Variants in LMO3 observed in about 807,000 individuals in gnomAD.
LMO3 encodes the protein LIM domain only protein 3.
LMO3 carries 2 observed loss-of-function variants against 15.8 expected under a neutral mutation model. The ratio of observed to expected loss-of-function variants is 0.13; its 90% CI spans 0.05 to 0.40. LMO3 has a LOEUF of 0.40. LMO3 is among the 10% of genes least tolerant of loss of function. LMO3 has a pLI of 0.99. For synonymous variants in LMO3, 62 were observed against 63.8 expected (o/e 0.97, Z 0.13); for missense variants, 86 against 182.2 (o/e 0.47, Z 3.04).
chr12:16,600,699 C>T lies in LMO3; in HGVS notation c.162G>A (p.Leu54=). ...DCRLGEVGST[L]YTKANLILCR... Reference sequence around the variant, plus strand: ...AAAGGATAAGATTAGCTTTAGTGTACAGGGTGGAGCCCACCTCTCCCAAGC... The same window carrying T: ...AAAGGATAAGATTAGCTTTAGTGTATAGGGTGGAGCCCACCTCTCCCAAGC... Residue 54 remains leucine (L), a synonymous_variant, in exon 2 of 4, where the codon CTG becomes CTA. Coordinates refer to ENST00000537304, the MANE Select transcript of LMO3 (RefSeq NM_018640.5). 6.2e-7 allele frequency: 1 copy of T among 1,614,116 alleles called. No homozygotes were observed. The highest frequency in any genetic ancestry group is 8.5e-7 in the Non-Finnish European group (1 of 1,179,984).
intron 3 of LMO3, among the ~76,000 whole-genome samples, chr12:16,557,150 T>G (rs888212984): frequency 6.6e-6 from 1 of 152,196 alleles, no homozygotes; most frequent in Non-Finnish European, 1.5e-5. Context: ...CTTTGCATCA[T>G]AATAGAATTT....
rs1289846499 is a variant in LMO3, at chr12:16,604,509, C to G, written c.-9+1557G>C. ...GCAAAGTGCTAGTGCTTGGCAAAGGCCAACAAGAGATTTGCAAGACTGAGT... is the reference window on the plus strand; with the variant it reads ...GCAAAGTGCTAGTGCTTGGCAAAGGGCAACAAGAGATTTGCAAGACTGAGT... On this transcript the variant is annotated intron_variant, in intron 1 of 3. Coordinates refer to ENST00000537304, the MANE Select transcript of LMO3 (RefSeq NM_018640.5). The surrounding 1 kb of genome is among the most constrained non-coding windows in gnomAD (Gnocchi z 5.3). The G allele has an allele frequency of 4.1e-6, 1 of 245,062 alleles. No homozygotes were observed. The highest frequency in any genetic ancestry group is 2.2e-5 in the African/African-American group (1 of 44,830). The allele number at this position is 245,062 out of a possible 1,614,324, so 15.2% of individuals were successfully genotyped here.
In LMO3 at chr12:16,555,750, A is replaced by G. The variant is rs1942167657; in HGVS notation, c.333-4423T>C. Among the ~76,000 whole-genome samples the G allele has an allele frequency of 6.6e-6, 1 of 152,112 alleles. No individual in the cohort carries two copies. Among genetic ancestry groups the G allele is most frequent in the African/African-American group, 2.4e-5 (1 of 41,430 alleles). On this transcript the variant is annotated intron_variant, in intron 3 of 3. Transcript: ENST00000537304. This position sits in a 1 kb window ranked among gnomAD's most constrained non-coding sequence, Gnocchi z 5.5. Reference sequence around the variant, plus strand: ...CGCTTTTCATTTCCTAAACACGTCAAATGCTTTCACATCTGCATGCCTTTG... The same window carrying G: ...CGCTTTTCATTTCCTAAACACGTCAGATGCTTTCACATCTGCATGCCTTTG...
In LMO3 at chr12:16,591,166, A is replaced by G. The variant is rs1264159122; in HGVS notation, c.206+9489T>C. Among the ~76,000 whole-genome samples, 2 of 151,844 alleles carry G rather than the reference A, an allele frequency of 1.3e-5. No individual in the cohort carries two copies. Among genetic ancestry groups the G allele is most frequent in the African/African-American group, 2.4e-5 (1 of 41,348 alleles). Reference sequence around the variant, plus strand: ...GGTACCATAGACCTACACAGTGACTACCCCTTATTCTTGCCCCTCCTGCTC... The same window carrying G: ...GGTACCATAGACCTACACAGTGACTGCCCCTTATTCTTGCCCCTCCTGCTC... On this transcript the variant is annotated intron_variant, in intron 2 of 3. Transcript: ENST00000537304. This position sits in a 1 kb window ranked among gnomAD's most constrained non-coding sequence, Gnocchi z 4.1.
At chr12:16,564,968 T>C (rs138971613) in intron 2 of LMO3, among the ~76,000 whole-genome samples, 1 of 151,862 alleles carries the variant, frequency 6.6e-6, no homozygotes, top group African/African-American at 2.4e-5. Context: ...AAAAAAAAAA[T>C]TTGTAGAGAT....
At chr12:16,552,811 T>C (rs1456328375) in intron 3 of LMO3, among the ~76,000 whole-genome samples, 1 of 152,086 alleles carries the variant, frequency 6.6e-6, no homozygotes, top group East Asian at 1.9e-4. Context: ...TTCTTTGTAT[T>C]AGTTGTAACC....
rs193151281 is a variant in LMO3 at position 16,595,637 on chromosome 12, G to T, written c.206+5018C>A. 1.6e-3 allele frequency among the ~76,000 whole-genome samples: 242 copies of T among 151,458 alleles called. 1 individual carries two copies. The highest frequency in any genetic ancestry group is 2.9e-3 in the South Asian group (14 of 4,822). On this transcript the variant is annotated intron_variant, in intron 2 of 3. Coordinates refer to ENST00000537304, the MANE Select transcript of LMO3 (RefSeq NM_018640.5). Reference sequence around the variant, plus strand: ...TAAAATTGTAACTTTTTATAAAGCTGCAAATAAGATAATTTTTAAGGAATA... The same window carrying T: ...TAAAATTGTAACTTTTTATAAAGCTTCAAATAAGATAATTTTTAAGGAATA...
chr12:16,578,818 AAACAAC>A (rs201327858), intron 2 of LMO3, among the ~76,000 whole-genome samples: 1,570 of 141,124 alleles, frequency 0.011, 14 homozygotes, highest in Non-Finnish European at 0.015. Context: ...ATTCTGTCTC[AAACAAC>A]AACAACAACA....
At chr12:16,605,652 T>G (rs890124455) in intron 1 of LMO3, 1 of 1,043,102 alleles carries the variant, frequency 9.6e-7, no homozygotes, top group African/African-American at 1.6e-5. Flanking sequence ...TCCTATGGGC[T>G]GGGAGCAAAC....
rs1943368296 is a variant in LMO3 at position 16,587,815 on chromosome 12, A to T, written c.206+12840T>A. On this transcript the variant is annotated intron_variant, in intron 2 of 3. Transcript: ENST00000537304. This position sits in a 1 kb window ranked among gnomAD's most constrained non-coding sequence, Gnocchi z 4.3. ...CACTGTGTCCTGAATGGGGGGTTTC[A>T]GGGGGAGGGAGAGGAACCTTGTCTC... 6.6e-6 allele frequency among the ~76,000 whole-genome samples: 1 copy of T among 151,994 alleles called. No homozygotes were observed. The highest frequency in any genetic ancestry group is 2.4e-5 in the African/African-American group (1 of 41,426).
chr12:16,605,021 G>A (rs1943941949), intron 1 of LMO3: 1 of 1,566,048 alleles, frequency 6.4e-7, no homozygotes, highest in South Asian at 1.2e-5. Context: ...GCCGAGGACC[G>A]ACTATTGTGA....
chr12:16,587,850 C>T lies in LMO3; in HGVS notation c.206+12805G>A, dbSNP rs1943369559. On this transcript the variant is annotated intron_variant, in intron 2 of 3. Transcript: ENST00000537304. The surrounding 1 kb of genome is among the most constrained non-coding windows in gnomAD (Gnocchi z 4.3). ...AGAGGAACCTTGTCTCATATTAATG[C>T]TGCCAGTAGCTATGGTATAGTGTTA... 6.6e-6 allele frequency among the ~76,000 whole-genome samples: 1 copy of T among 152,026 alleles called. No homozygotes were observed. Among genetic ancestry groups the T allele is most frequent in the Admixed American group, 6.6e-5 (1 of 15,248 alleles).
At chr12:16,590,950 AC>A (rs1387803740) in intron 2 of LMO3, among the ~76,000 whole-genome samples, 1 of 152,100 alleles carries the variant, frequency 6.6e-6, no homozygotes, top group African/African-American at 2.4e-5. Context: ...ATCCAAAAAA[AC>A]TTCCAGTAAA....
rs1281084637 is a variant in LMO3 at position 16,551,040 on chromosome 12, A to C, written c.*182T>G. 2 of 520,070 alleles carry C rather than the reference A, an allele frequency of 3.8e-6. No homozygotes were observed. The highest frequency in any genetic ancestry group is 6.9e-6 in the Non-Finnish European group (2 of 289,484). 32.2% of individuals were successfully genotyped at this position (520,070 alleles called of 1,614,324 possible). A position where few individuals can be genotyped will look rare whatever the true frequency, so the allele number is the denominator to read the frequency against. On this transcript the variant is annotated 3_prime_UTR_variant, in exon 4 of 4. Coordinates refer to ENST00000537304, the MANE Select transcript of LMO3 (RefSeq NM_018640.5). ...TTTTTTCTTTAATAATAAACATTCA[A>C]CTCTGAACTGGGGCAATTTCACTAC... is the stretch of plus-strand genomic sequence containing the variant.
rs1943328728 is a variant in LMO3, at chr12:16,586,596, GAC to G, written c.206+14057_206+14058del. On this transcript the variant is annotated intron_variant, in intron 2 of 3. Transcript: ENST00000537304. The surrounding 1 kb of genome is among the most constrained non-coding windows in gnomAD (Gnocchi z 4.3). ...GCAAAGACACTGCATTTCATCTTTGGACGTCCTTTCTTGGCAGGACCACTTGT... is the reference window on the plus strand; with the variant it reads ...GCAAAGACACTGCATTTCATCTTTGGGTCCTTTCTTGGCAGGACCACTTGT... 6.6e-6 allele frequency among the ~76,000 whole-genome samples: 1 copy of G among 152,172 alleles called. No homozygotes were observed. Among genetic ancestry groups the G allele is most frequent in the Non-Finnish European group, 1.5e-5 (1 of 68,026 alleles).
intron 1 of LMO3, chr12:16,605,467 A>G: frequency 2.1e-6 from 1 of 482,220 alleles, no homozygotes. Context: ...GCCCAAACAC[A>G]GCCACTTTTC....
intron 1 of LMO3, chr12:16,605,613 C>T (rs1414862054): frequency 2.7e-6 from 2 of 744,414 alleles, no homozygotes; most frequent in Non-Finnish European, 4.2e-6. Context: ...GGGGAGGGGT[C>T]CGGAAACCCA....
At chr12:16,572,263 A>G (rs117459834) in intron 2 of LMO3, among the ~76,000 whole-genome samples, 1 of 151,350 alleles carries the variant, frequency 6.6e-6, no homozygotes, top group East Asian at 1.9e-4. Flanking sequence ...TAAAACCTGT[A>G]GATTACATAT....
At chr12:16,605,335 TA>T in intron 1 of LMO3, 1 of 1,152,420 alleles carries the variant, frequency 8.7e-7, no homozygotes, top group Non-Finnish European at 1.1e-6. Flanking sequence ...GTAGTCCCCG[TA>T]AAAAATGTGC....
Sources: gnomAD v4.1 joint callset for allele counts (sites outside exome capture counted in the v4.1 genomes callset) on GRCh38, gnomAD v4.1.1 for gene constraint, Gnocchi (gnomAD v3.1) non-coding constraint, MANE v1.5 for transcripts, NCBI Gene and HGNC (gene_info 2026-07-23, HGNC 2026-07-21) for gene names.